Variants in MYO16 observed in about 807,000 individuals in gnomAD.
MYO16 encodes unconventional myosin-XVI.
Under a neutral mutation model 205.3 loss-of-function variants are expected in MYO16, and 94 were observed. The observed-to-expected ratio is 0.46, with a 90% CI of 0.39 to 0.54. The LOEUF is 0.54. MYO16 is among the 20% of genes least tolerant of loss of function. The probability of loss-of-function intolerance (pLI) is 0.00; values close to 1 mark genes in which losing one functional copy is unlikely to be tolerated. For synonymous variants in MYO16, 988 were observed against 954.0 expected, an observed-to-expected ratio of 1.04 and a Z score of -0.66; for missense variants, 2,315 against 2,387.5, an observed-to-expected ratio of 0.97 and a Z score of 0.63.
At chr13:109,147,485 C>G (rs890412502) in intron 32 of MYO16, among the ~76,000 whole-genome samples, 3 of 152,146 alleles carry the variant, frequency 2.0e-5, no homozygotes, top group South Asian at 2.1e-4. Flanking sequence ...TCTGACACAT[C>G]GAAACGAGAC....
chr13:108,928,335 A>G (rs1882101222), intron 16 of MYO16, among the ~76,000 whole-genome samples: 1 of 152,228 alleles, frequency 6.6e-6, no homozygotes, highest in African/African-American at 2.4e-5. Context: ...TGGTTACGGC[A>G]CTGTGTCATT....
Position 108,778,632 on chromosome 13 carries a change from T to TA in MYO16, c.508-7003_508-7002insA, listed in dbSNP as rs1566322793. Among the ~76,000 whole-genome samples, 322 of 151,568 alleles carry TA rather than the reference T, an allele frequency of 2.1e-3. 2 individuals are homozygous for TA. Among genetic ancestry groups the TA allele is most frequent in the African/African-American group, 7.3e-3 (304 of 41,374 alleles). On this transcript the variant is annotated intron_variant, in intron 4 of 34. Transcript: ENST00000457511. ...AGACTCCATCTAAAAAAATATATATTTTTTTTCTGTTTCACTGGAGTCTAA... is the reference window on the plus strand; with the variant it reads ...AGACTCCATCTAAAAAAATATATATTATTTTTTCTGTTTCACTGGAGTCTAA...
intron 20 of MYO16, among the ~76,000 whole-genome samples, chr13:108,973,821 T>C (rs1330002599): frequency 6.6e-6 from 1 of 152,182 alleles, no homozygotes; most frequent in Non-Finnish European, 1.5e-5. Context: ...AGCAATTTAA[T>C]ATTCTTCAGA....
rs544848968 is a variant in MYO16 at position 108,808,265 on chromosome 13, A to G, written c.867+1461A>G. The stretch of plus-strand genomic sequence containing the variant: ...CTAGGCATAGACCTTCCAGAGGCCC[A>G]TAAGAAACCTACAGAAATAGAACCT... On this transcript the variant is annotated intron_variant, in intron 7 of 34. Coordinates refer to ENST00000457511, the MANE Select transcript of MYO16 (RefSeq NM_001198950.3). Among the ~76,000 whole-genome samples the G allele has an allele frequency of 4.6e-5, 7 of 151,782 alleles. No individual in the cohort carries two copies. In the South Asian group the frequency reaches 1.5e-3, roughly 32 times the overall value.
chr13:108,540,945 T>C, the MYO16 span, among the ~76,000 whole-genome samples: 1 of 152,204 alleles, frequency 6.6e-6, no homozygotes, highest in Non-Finnish European at 1.5e-5. Context: ...TAAAACTTTA[T>C]TATATTGATC....
intron 2 of MYO16, among the ~76,000 whole-genome samples, chr13:108,702,713 A>G (rs1315594690): frequency 2.0e-5 from 3 of 152,196 alleles, no homozygotes; most frequent in African/African-American, 4.8e-5. Context: ...ATAAATGAAT[A>G]TAAGTCTGTT....
chr13:108,646,028 C>T (rs1195353279), intron 1 of MYO16, among the ~76,000 whole-genome samples: 1 of 152,188 alleles, frequency 6.6e-6, no homozygotes, highest in Non-Finnish European at 1.5e-5. Flanking sequence ...CTCAGCCCTG[C>T]CCAAGTTTCA....
At chr13:108,908,766 G>A (rs1360406750) in intron 15 of MYO16, among the ~76,000 whole-genome samples, 1 of 151,944 alleles carries the variant, frequency 6.6e-6, no homozygotes, top group Non-Finnish European at 1.5e-5. Flanking sequence ...TTGAGGTTAG[G>A]AGTTCAATAC....
intron 4 of MYO16, among the ~76,000 whole-genome samples, chr13:108,738,518 C>T (rs565994976): frequency 1.3e-5 from 2 of 152,276 alleles, no homozygotes; most frequent in East Asian, 3.9e-4. Flanking sequence ...GTTACAATTC[C>T]TGTTCTTTTA....
chr13:108,994,363 G>A (rs1015434681), intron 21 of MYO16, among the ~76,000 whole-genome samples: 3 of 151,798 alleles, frequency 2.0e-5, no homozygotes, highest in African/African-American at 7.3e-5. Flanking sequence ...TAACAGGTTT[G>A]CTTTGCTATT....
rs372151895 is a variant in MYO16, at chr13:108,943,142, A to G, written c.1926-14546A>G. Among the ~76,000 whole-genome samples, 5 of 152,368 alleles carry G rather than the reference A, an allele frequency of 3.3e-5. No individual in the cohort carries two copies. In the East Asian group the frequency reaches 5.8e-4, roughly 18 times the overall value. On this transcript the variant is annotated intron_variant, in intron 16 of 34. Transcript: ENST00000457511. ...TATTCTGGCCCAAAAGAGGAAAGGT[A>G]TGAAACATTTCTGGAAGTACCCATT...
At chr13:108,757,726 G>A (rs569151702) in intron 4 of MYO16, among the ~76,000 whole-genome samples, 6 of 152,152 alleles carry the variant, frequency 3.9e-5, no homozygotes, top group Non-Finnish European at 2.9e-5. Flanking sequence ...GAGAACATGC[G>A]GTGTTTGGTT....
chr13:108,898,493 A>G (rs1322267552), intron 15 of MYO16, among the ~76,000 whole-genome samples: 3 of 152,110 alleles, frequency 2.0e-5, no homozygotes, highest in Non-Finnish European at 4.4e-5. Context: ...TGTATGGGCT[A>G]TATAATGAGA....
At chr13:108,988,291 T>C (rs978139214) in intron 20 of MYO16, among the ~76,000 whole-genome samples, 1 of 152,204 alleles carries the variant, frequency 6.6e-6, no homozygotes, top group Admixed American at 6.5e-5. Context: ...CTGCCAATGT[T>C]GCTATTGCAG....
the MYO16 span, among the ~76,000 whole-genome samples, chr13:108,562,207 T>A: frequency 1.3e-5 from 2 of 152,128 alleles, no homozygotes; most frequent in South Asian, 4.1e-4. Context: ...CTCCTCAATG[T>A]CATCTCACAT....
intron 14 of MYO16, among the ~76,000 whole-genome samples, chr13:108,888,774 G>A (rs932550211): frequency 1.3e-5 from 2 of 152,148 alleles, no homozygotes; most frequent in African/African-American, 4.8e-5. Flanking sequence ...GCACTTTGAG[G>A]CTGAGCGCAG....
intron 1 of MYO16, among the ~76,000 whole-genome samples, chr13:108,662,204 A>C (rs1881533032): frequency 6.6e-6 from 1 of 152,182 alleles, no homozygotes; most frequent in Non-Finnish European, 1.5e-5. Flanking sequence ...GCTGCAGTGG[A>C]CTGCATAAGT....
chr13:108,877,685 G>A (rs1158413904), intron 12 of MYO16, among the ~76,000 whole-genome samples: 1 of 152,072 alleles, frequency 6.6e-6, no homozygotes, highest in African/African-American at 2.4e-5. Flanking sequence ...GCCCGAATTT[G>A]TATTATAGTT....
chr13:109,051,884 G>T (rs781146457), intron 24 of MYO16, among the ~76,000 whole-genome samples: 7 of 152,122 alleles, frequency 4.6e-5, no homozygotes, highest in Non-Finnish European at 8.8e-5. Flanking sequence ...TCTGAGACAG[G>T]TGAGTTAGGT....
Sources: allele counts gnomAD v4.1 joint callset (sites outside exome capture counted in the v4.1 genomes callset), GRCh38; gene constraint gnomAD v4.1.1; transcripts MANE v1.5; gene names NCBI Gene and HGNC (gene_info 2026-07-23, HGNC 2026-07-21).